Variants in SLC39A11 observed in about 807,000 individuals in gnomAD.
The protein encoded by SLC39A11 is solute carrier family 39 member 11, also known as zinc transporter ZIP11.
SLC39A11 carries 33 observed loss-of-function variants against 36.1 expected under a neutral mutation model. The observed-to-expected ratio is 0.91, with a 90% CI of 0.69 to 1.22. SLC39A11 has a LOEUF of 1.22. SLC39A11 is among the 50% of genes most tolerant of loss of function. SLC39A11 has a pLI of 0.00. For synonymous variants in SLC39A11, 166 were observed against 170.3 expected, an observed-to-expected ratio of 0.97 and a Z score of 0.20; for missense variants, 432 against 430.3, an observed-to-expected ratio of 1.00 and a Z score of -0.03.
chr17:72,753,891 A>G (rs2075251314), intron 6 of SLC39A11, among the ~76,000 whole-genome samples: 1 of 102,254 alleles, frequency 9.8e-6, no homozygotes, highest in Non-Finnish European at 1.9e-5. Flanking sequence ...TCATTATACA[A>G]AAAAAAAAAA....
chr17:72,983,157 T>G (rs975300228), intron 4 of SLC39A11, among the ~76,000 whole-genome samples: 7 of 110,258 alleles, frequency 6.3e-5, no homozygotes, highest in Non-Finnish European at 3.6e-5. Flanking sequence ...TTTGTTTTTG[T>G]TTTTTTTTTT....
chr17:72,842,026 C>T (rs1453009255), intron 6 of SLC39A11, among the ~76,000 whole-genome samples: 2 of 152,066 alleles, frequency 1.3e-5, no homozygotes, highest in East Asian at 1.9e-4. Context: ...GCCATGATCA[C>T]ACCACTGCAC....
intron 4 of SLC39A11, among the ~76,000 whole-genome samples, chr17:72,963,720 T>C (rs1053061045): frequency 6.6e-6 from 1 of 152,172 alleles, no homozygotes; most frequent in African/African-American, 2.4e-5. Context: ...GATACATCAA[T>C]AAATGACAAC....
intron 3 of SLC39A11, among the ~76,000 whole-genome samples, chr17:73,071,302 G>A (rs1375293032): frequency 6.6e-6 from 1 of 152,226 alleles, no homozygotes; most frequent in Non-Finnish European, 1.5e-5. Flanking sequence ...TTGGCCATCT[G>A]TCTTGAAACC....
intron 7 of SLC39A11, among the ~76,000 whole-genome samples, chr17:72,703,234 T>C (rs1002301421): frequency 2.0e-5 from 3 of 152,192 alleles, no homozygotes; most frequent in Admixed American, 6.5e-5. Context: ...ACTGATGTGC[T>C]GGTGTGTATG....
intron 5 of SLC39A11, among the ~76,000 whole-genome samples, chr17:72,886,876 C>G (rs1056395881): frequency 1.3e-5 from 2 of 152,186 alleles, no homozygotes; most frequent in African/African-American, 4.8e-5. Flanking sequence ...AGGGTGCTCC[C>G]TCTGACCAGG....
intron 5 of SLC39A11, among the ~76,000 whole-genome samples, chr17:72,861,657 T>TTTTA (rs1555605275): frequency 5.9e-5 from 3 of 50,952 alleles, no homozygotes; most frequent in African/African-American, 2.8e-4. Flanking sequence ...ATACAACACA[T>TTTTA]TATATATATA....
At chr17:72,806,248 A>G (rs1303726539) in intron 6 of SLC39A11, among the ~76,000 whole-genome samples, 1 of 152,134 alleles carries the variant, frequency 6.6e-6, no homozygotes, top group East Asian at 1.9e-4. Context: ...ACTGCTTCCT[A>G]AGGAAGGGTA....
intron 6 of SLC39A11, among the ~76,000 whole-genome samples, chr17:72,807,414 G>A (rs75314195): frequency 6.6e-6 from 1 of 152,256 alleles, no homozygotes; most frequent in Non-Finnish European, 1.5e-5. Flanking sequence ...TATTCATAAT[G>A]AGCCCCTTTT....
chr17:72,895,633 T>C (rs1338794950), intron 5 of SLC39A11, among the ~76,000 whole-genome samples: 2 of 151,956 alleles, frequency 1.3e-5, no homozygotes, highest in African/African-American at 4.8e-5. Flanking sequence ...AAACATGCTG[T>C]TTATATCAAG....
At chr17:72,882,950 T>G (rs1598266177) in intron 5 of SLC39A11, among the ~76,000 whole-genome samples, 1 of 151,880 alleles carries the variant, frequency 6.6e-6, no homozygotes, top group African/African-American at 2.4e-5. Context: ...GTGTGTGCCA[T>G]GACACCTGGC....
chr17:72,952,454 A>G (rs1008053006), intron 4 of SLC39A11, among the ~76,000 whole-genome samples: 5 of 152,124 alleles, frequency 3.3e-5, no homozygotes, highest in South Asian at 2.1e-4. Flanking sequence ...TGCTGGGCTG[A>G]CATGCCCCGC....
intron 3 of SLC39A11, among the ~76,000 whole-genome samples, chr17:73,073,240 C>A (rs775632266): frequency 6.6e-6 from 1 of 152,164 alleles, no homozygotes; most frequent in Non-Finnish European, 1.5e-5. Context: ...GTCCCAATAC[C>A]CCAATTATGA....
intron 6 of SLC39A11, among the ~76,000 whole-genome samples, chr17:72,805,204 C>T (rs1045664897): frequency 9.2e-5 from 14 of 152,146 alleles, no homozygotes; most frequent in African/African-American, 3.4e-4. Flanking sequence ...TGGATCTCTA[C>T]CTTCTTTTGG....
intron 6 of SLC39A11, among the ~76,000 whole-genome samples, chr17:72,741,394 T>C (rs888399312): frequency 2.0e-5 from 3 of 152,180 alleles, no homozygotes; most frequent in African/African-American, 7.2e-5. Context: ...GCACCATATA[T>C]GATCTGTGTT....
chr17:73,064,629 G>C (rs2059944260), intron 3 of SLC39A11, among the ~76,000 whole-genome samples: 1 of 152,110 alleles, frequency 6.6e-6, no homozygotes, highest in Non-Finnish European at 1.5e-5. Flanking sequence ...GCCCAGAGAG[G>C]AGGTCCCCCC....
chr17:72,655,677 G>T (rs961503450), intron 7 of SLC39A11, among the ~76,000 whole-genome samples: 1 of 152,210 alleles, frequency 6.6e-6, no homozygotes, highest in Non-Finnish European at 1.5e-5. Context: ...GAATGCATCA[G>T]GAGCCTGCAA....
Position 72,736,672 on chromosome 17 carries a change from A to G in SLC39A11, c.649T>C (p.Ser217Pro), listed in dbSNP as rs1225315884. The G allele has an allele frequency of 1.2e-6, 2 of 1,614,002 alleles. No homozygotes were observed. The highest frequency in any genetic ancestry group is 1.7e-6 in the Non-Finnish European group (2 of 1,179,998). Residue 217 changes from serine to proline, a missense_variant, in exon 7 of 10, where the codon TCT (serine) becomes CCT (proline). Ser to Pro is a moderately conservative substitution (Grantham distance 74, BLOSUM62 -1). Transcript: ENST00000255559. The part of the protein sequence containing the change: ...VGFGAIEKTA[S>P]ATFESARNLA... ...TACCTGGCACTCTCAAAGGTAGCAG[A>G]TGCCGTCTTTTCTATAGCCCCAAAT...
intron 4 of SLC39A11, among the ~76,000 whole-genome samples, chr17:72,948,776 A>G (rs927122086): frequency 7.9e-5 from 12 of 152,218 alleles, no homozygotes; most frequent in African/African-American, 2.9e-4. Context: ...GACAAATATT[A>G]ATTAACTGCC....
Sources: gnomAD v4.1 joint callset for allele counts (sites outside exome capture counted in the v4.1 genomes callset) on GRCh38, gnomAD v4.1.1 for gene constraint, MANE v1.5 for transcripts, NCBI Gene and HGNC (gene_info 2026-07-23, HGNC 2026-07-21) for gene names.